The following CIAPIN1 variants were observed in gnomAD, a reference collection of about 807,000 sequenced individuals.
The protein encoded by CIAPIN1 is cytokine induced apoptosis inhibitor 1.
CIAPIN1 carries 18 observed loss-of-function variants against 34.3 expected under a neutral mutation model. The ratio of observed to expected loss-of-function variants is 0.52; its 90% CI spans 0.36 to 0.78. CIAPIN1 has a LOEUF of 0.78. CIAPIN1 is among the 30% of genes least tolerant of loss of function. The pLI, the probability that CIAPIN1 is intolerant of heterozygous loss-of-function variation, is 0.00. For missense variants in CIAPIN1, 310 were observed against 372.5 expected (o/e 0.83, Z 1.38); for synonymous variants, 131 against 140.4 (o/e 0.93, Z 0.47).
intron 1 of CIAPIN1, among the ~76,000 whole-genome samples, chr16:57,445,367 C>A (rs1333027550): frequency 1.3e-5 from 2 of 152,022 alleles, no homozygotes; most frequent in Admixed American, 6.6e-5. Flanking sequence ...ATTAGCTGGG[C>A]ATGGTGGCGT....
At chr16:57,444,682 A>G (rs1431943636) in intron 1 of CIAPIN1, among the ~76,000 whole-genome samples, 13 of 152,254 alleles carry the variant, frequency 8.5e-5, no homozygotes, top group African/African-American at 3.1e-4. Context: ...ACCCTCAAAA[A>G]ACAGGCATAG....
chr16:57,432,213 C>G, intron 6 of CIAPIN1, among the ~76,000 whole-genome samples: 1 of 152,034 alleles, frequency 6.6e-6, no homozygotes, highest in Non-Finnish European at 1.5e-5. Flanking sequence ...ACTTGGGAGG[C>G]TGAAACATGA....
At position 57,434,100 on chromosome 16, in the gene CIAPIN1, T is replaced by C. The variant is rs1456463525; in HGVS notation, c.500A>G (p.Glu167Gly). 9 of 1,614,076 alleles carry C rather than the reference T, an allele frequency of 5.6e-6. No homozygotes were observed. Among genetic ancestry groups the C allele is most frequent in the Non-Finnish European group, 7.6e-6 (9 of 1,180,038 alleles). Residue 167 changes from glutamate to glycine, a missense_variant, in exon 5 of 9, where the codon GAA becomes GGA. Coordinates refer to ENST00000394391, the MANE Select transcript of CIAPIN1 (RefSeq NM_020313.4). ...CTTAAGCTGCCTAGAAGAACCCACTTCAAAGTTTGGTTTTTTGCCTGTGAT... is the reference window on the plus strand; with the variant it reads ...CTTAAGCTGCCTAGAAGAACCCACTCCAAAGTTTGGTTTTTTGCCTGTGAT... ...VQITGKKPNF[E>G]VGSSRQLKLS...
At chr16:57,443,376 T>G (rs1392729057) in intron 1 of CIAPIN1, among the ~76,000 whole-genome samples, 1 of 152,156 alleles carries the variant, frequency 6.6e-6, no homozygotes, top group Admixed American at 6.5e-5. Flanking sequence ...CAGCCTCAGG[T>G]GATCCACCCG....
In CIAPIN1 at chr16:57,434,177, C is replaced by T. The variant is rs371743290; in HGVS notation, c.423G>A (p.Gln141=). ...CATGACCAAGGTGTTCTCGAACAGA[C>T]TGTACTTCCTCAGGGGTTAGGGGCT... ...QREPLTPEEV[Q]SVREHLGHES... The change falls in exon 5 of 9, where the codon CAG becomes CAA. Residue 141 remains glutamine (Q), a synonymous_variant. Transcript: ENST00000394391. 1 of 1,614,144 alleles carries T rather than the reference C, an allele frequency of 6.2e-7. No homozygotes were observed. Among genetic ancestry groups the T allele is most frequent in the Non-Finnish European group, 8.5e-7 (1 of 1,180,010 alleles).
In CIAPIN1 at chr16:57,430,299, T is replaced by C. The variant is rs751385677; in HGVS notation, c.787A>G (p.Arg263Gly). 1.9e-6 allele frequency: 3 copies of C among 1,614,240 alleles called. No homozygotes were observed. Among genetic ancestry groups the C allele is most frequent in the South Asian group, 1.1e-5 (1 of 91,078 alleles). ...LAEELEKEKS[R>G]EQMSSQPKSA... is the part of the protein sequence containing the mutation. ...TTGGGTTGGGAGCTCATCTGTTCCCTTGACTTCTCTTTTTCCAGTTCTTCG... is the reference window on the plus strand; with the variant it reads ...TTGGGTTGGGAGCTCATCTGTTCCCCTGACTTCTCTTTTTCCAGTTCTTCG... Residue 263 changes from arginine to glycine, a missense_variant, in exon 8 of 9, where the codon AGG becomes GGG. By Grantham distance (125) the Arg-to-Gly change is moderately radical. Coordinates refer to ENST00000394391, the MANE Select transcript of CIAPIN1 (RefSeq NM_020313.4).
At chr16:57,444,034 C>A (rs192652526) in intron 1 of CIAPIN1, among the ~76,000 whole-genome samples, 27 of 152,302 alleles carry the variant, frequency 1.8e-4, no homozygotes, top group Admixed American at 5.9e-4. Flanking sequence ...CAACTTTGCA[C>A]TGTACTTACA....
At chr16:57,440,667 A>C in intron 2 of CIAPIN1, 105 bp downstream of exon 2, 1 of 1,307,948 alleles carries the variant, frequency 7.6e-7, no homozygotes, top group Non-Finnish European at 1.1e-6. Context: ...CACCACTATC[A>C]CATGCCACCC....
intron 2 of CIAPIN1, among the ~76,000 whole-genome samples, 186 bp from the exon 3 acceptor site, chr16:57,439,520 T>C (rs749838296): frequency 9.2e-5 from 14 of 152,050 alleles, no homozygotes; most frequent in Non-Finnish European, 1.9e-4. Flanking sequence ...AGAAAGAACA[T>C]ACTTATGGAA....
At chr16:57,436,184 G>A (rs761433510) in intron 4 of CIAPIN1, among the ~76,000 whole-genome samples, 1 of 152,178 alleles carries the variant, frequency 6.6e-6, no homozygotes, top group Non-Finnish European at 1.5e-5. Flanking sequence ...CATGGGCCAA[G>A]CTGAGTCTCT....
chr16:57,445,031 C>T (rs754635176), intron 1 of CIAPIN1, among the ~76,000 whole-genome samples: 43 of 152,160 alleles, frequency 2.8e-4, no homozygotes, highest in Non-Finnish European at 3.7e-4. Context: ...TGAGAACAGA[C>T]TGTTTTTTAG....
At chr16:57,441,155 A>G (rs1903322768) in intron 1 of CIAPIN1, 172 bp from the exon 2 acceptor site, 1 of 349,430 alleles carries the variant, frequency 2.9e-6, no homozygotes, top group Admixed American at 4.9e-5. Context: ...TCATAAGCCC[A>G]ACATTCCCAA....
At chr16:57,430,120 A>G in intron 8 of CIAPIN1, 138 bp downstream of exon 8, 2 of 716,120 alleles carry the variant, frequency 2.8e-6, no homozygotes, top group Non-Finnish European at 4.9e-6. Flanking sequence ...CTCTCTCCCC[A>G]TTACTACCTA....
intron 3 of CIAPIN1, among the ~76,000 whole-genome samples, chr16:57,437,413 G>A (rs529642973): frequency 1.3e-5 from 2 of 152,144 alleles, no homozygotes; most frequent in African/African-American, 4.8e-5. Flanking sequence ...TGTTTAGTAG[G>A]TTAGATGAAT....
In CIAPIN1 at chr16:57,443,585, G is replaced by A. The variant is rs530613443; in HGVS notation, c.-55-2602C>T. On this transcript the variant is annotated intron_variant, in intron 1 of 8. Coordinates refer to ENST00000394391, the MANE Select transcript of CIAPIN1 (RefSeq NM_020313.4). Reference sequence around the variant, plus strand: ...CAATTCTCATGCCTCAGCCTCCCAAGTAGCTGGAATTACAGGTGGACGCCA... The same window carrying A: ...CAATTCTCATGCCTCAGCCTCCCAAATAGCTGGAATTACAGGTGGACGCCA... 3.3e-5 allele frequency among the ~76,000 whole-genome samples: 5 copies of A among 152,270 alleles called. No individual in the cohort carries two copies. The East Asian group carries it at 9.6e-4, about 29-fold the overall frequency.
intron 2 of CIAPIN1, 58 bp downstream of exon 2, chr16:57,440,714 G>A (rs1362331189): frequency 6.6e-7 from 1 of 1,514,652 alleles, no homozygotes; most frequent in African/African-American, 1.4e-5. Flanking sequence ...CCACAGAAAT[G>A]CAACACTCCC....
chr16:57,440,096 G>T (rs1490405016), intron 2 of CIAPIN1, among the ~76,000 whole-genome samples: 2 of 152,070 alleles, frequency 1.3e-5, no homozygotes, highest in African/African-American at 4.8e-5. Context: ...GTTCCTAGGG[G>T]GAGGTCTCTA....
At chr16:57,436,983 C>T (rs1368354043) in intron 3 of CIAPIN1, among the ~76,000 whole-genome samples, 2 of 151,940 alleles carry the variant, frequency 1.3e-5, no homozygotes, top group Admixed American at 1.3e-4. Flanking sequence ...AAAAAATAGC[C>T]AGGCGTGGTG....
rs551543363 is a variant in CIAPIN1 at position 57,428,694 on chromosome 16, C to G, written c.*476G>C. 2.0e-5 allele frequency: 3 copies of G among 153,304 alleles called. No homozygotes were observed. Among genetic ancestry groups the G allele is most frequent in the Admixed American group, 6.5e-5 (1 of 15,400 alleles). 9.5% of individuals were successfully genotyped at this position (153,304 alleles called of 1,614,324 possible). ...CATCACAGCAACCAGTGAGTGAGTCCTCTGGTGCCCTGAGGAGGTTGTGAG... is the reference window on the plus strand; with the variant it reads ...CATCACAGCAACCAGTGAGTGAGTCGTCTGGTGCCCTGAGGAGGTTGTGAG... On this transcript the variant is annotated 3_prime_UTR_variant, in exon 9 of 9. Coordinates refer to ENST00000394391, the MANE Select transcript of CIAPIN1 (RefSeq NM_020313.4).
Sources: gnomAD v4.1 joint callset for allele counts (sites outside exome capture counted in the v4.1 genomes callset) on GRCh38, gnomAD v4.1.1 for gene constraint, MANE v1.5 for transcripts, NCBI Gene and HGNC (gene_info 2026-07-23, HGNC 2026-07-21) for gene names.